NDUFA11: variants seen among roughly 807,000 people sequenced by gnomAD.
NDUFA11 encodes the protein NADH dehydrogenase [ubiquinone] 1 alpha subcomplex subunit 11.
In NDUFA11, 14 loss-of-function variants were observed where a neutral mutation model predicts 11.3. The observed-to-expected ratio is 1.24, with a 90% confidence interval of 0.82 to 1.94. The LOEUF is 1.94. Ranked by LOEUF, NDUFA11 falls within the 30% of genes most tolerant of loss-of-function variation. The probability of loss-of-function intolerance (pLI) is 0.00; values close to 1 mark genes in which losing one functional copy is unlikely to be tolerated. For synonymous variants in NDUFA11, 87 were observed against 85.6 expected (o/e 1.02, Z -0.09); for missense variants, 204 against 200.3 (o/e 1.02, Z -0.11).
chr19:5,896,432 G>A lies in NDUFA11; in HGVS notation c.313+21C>T. 1.4e-6 allele frequency: 2 copies of A among 1,400,446 alleles called. No homozygotes were observed. Among genetic ancestry groups the A allele is most frequent in the Non-Finnish European group, 9.9e-7 (1 of 1,008,922 alleles). The allele number at this position is 1,400,446 out of a possible 1,614,324, so 86.8% of individuals were successfully genotyped here. A position where few individuals can be genotyped will look rare whatever the true frequency, so the allele number is the denominator to read the frequency against. ...TCTGCCAGGCTGGGAGGAGGGTGGGGGTGGGGAGGGGGCCACTCACTGCGT... is the reference window on the plus strand; with the variant it reads ...TCTGCCAGGCTGGGAGGAGGGTGGGAGTGGGGAGGGGGCCACTCACTGCGT... On this transcript the variant is annotated intron_variant, in intron 3 of 3. Transcript: ENST00000308961. This position sits in a 1 kb window ranked among gnomAD's most constrained non-coding sequence, Gnocchi z 5.8.
Position 5,896,328 on chromosome 19 carries a change from T to C in NDUFA11, c.313+125A>G. The stretch of plus-strand genomic sequence containing the variant: ...CAGCTGTCGCTATGACTGAAATGGC[T>C]GGTGTTCAAGAAGGCTGCTTTACTT... On this transcript the variant is annotated intron_variant, in intron 3 of 3. Transcript: ENST00000308961. The surrounding 1 kb of genome is among the most constrained non-coding windows in gnomAD (Gnocchi z 5.8). The C allele has an allele frequency of 8.8e-7, 1 of 1,138,600 alleles. No homozygotes were observed. The allele number at this position is 1,138,600 out of a possible 1,614,324, so 70.5% of individuals were successfully genotyped here. A position where few individuals can be genotyped will look rare whatever the true frequency, so the allele number is the denominator to read the frequency against.
At position 5,896,248 on chromosome 19, in the gene NDUFA11, G is replaced by C. The variant is rs1182644192; in HGVS notation, c.313+205C>G. ...GGAGCAGAGTGAGGAGGGGAGGGTG[G>C]GGAGGGGACAGGGCAGGTCAGGGAG... On this transcript the variant is annotated intron_variant, in intron 3 of 3. Coordinates refer to ENST00000308961, the MANE Select transcript of NDUFA11 (RefSeq NM_175614.5). The surrounding 1 kb of genome is among the most constrained non-coding windows in gnomAD (Gnocchi z 5.8). 1.6e-6 allele frequency: 1 copy of C among 614,480 alleles called. No individual in the cohort carries two copies. The highest frequency in any genetic ancestry group is 2.9e-6 in the Non-Finnish European group (1 of 348,710). The allele number at this position is 614,480 out of a possible 1,614,324, so 38.1% of individuals were successfully genotyped here.
chr19:5,892,648 C>T (rs1228919153), downstream of NDUFA11: 7 of 350,914 alleles, frequency 2.0e-5, no homozygotes, highest in East Asian at 8.8e-5. Context: ...CTGTGGTCAC[C>T]GCGGGGCTGG....
chr19:5,901,571 G>T (rs950426948), intron 1 of NDUFA11: 1 of 777,738 alleles, frequency 1.3e-6, no homozygotes, highest in Non-Finnish European at 1.8e-6. Context: ...CGCAACTTTG[G>T]CCGGGCCCTG....
At chr19:5,897,139 G>A (rs926185694) in intron 1 of NDUFA11, 142 bp from the exon 2 acceptor site, 3 of 736,770 alleles carry the variant, frequency 4.1e-6, no homozygotes, top group Admixed American at 2.0e-5. Context: ...CTGCTGAGTG[G>A]CAGAGCTGGA....
intron 3 of NDUFA11, 140 bp from the exon 4 acceptor site, chr19:5,894,994 G>A: frequency 1.0e-6 from 1 of 960,500 alleles, no homozygotes; most frequent in East Asian, 2.6e-5. Context: ...AGTCACTCAG[G>A]AAGAGGGCCC....
intron 1 of NDUFA11, among the ~76,000 whole-genome samples, chr19:5,903,082 T>C (rs1279319741): frequency 6.7e-6 from 1 of 149,556 alleles, no homozygotes; most frequent in Non-Finnish European, 1.5e-5. Flanking sequence ...GCTACCCTCA[T>C]AGTAGCTCCT....
At chr19:5,898,972 T>G (rs1015710102) in intron 1 of NDUFA11, among the ~76,000 whole-genome samples, 3 of 150,798 alleles carry the variant, frequency 2.0e-5, no homozygotes, top group Non-Finnish European at 4.4e-5. Context: ...GCATCCACGG[T>G]AAGGGACTGG....
At position 5,897,104 on chromosome 19, in the gene NDUFA11, C is replaced by G. The variant is rs1387386628; in HGVS notation, c.98-107G>C. On this transcript the variant is annotated intron_variant, in intron 1 of 3. Coordinates refer to ENST00000308961, the MANE Select transcript of NDUFA11 (RefSeq NM_175614.5). ...CCTCCCTCAGTCCTCACGATGCCCCCCTTCTTTGCCCATAGTGTCCCCGGC... is the reference window on the plus strand; with the variant it reads ...CCTCCCTCAGTCCTCACGATGCCCCGCTTCTTTGCCCATAGTGTCCCCGGC... The G allele has an allele frequency of 9.2e-6, 8 of 869,620 alleles. No homozygotes were observed. In the East Asian group the frequency reaches 1.7e-4, roughly 19 times the overall value. 53.9% of individuals were successfully genotyped at this position (869,620 alleles called of 1,614,324 possible).
rs763782893 is a variant in NDUFA11, at chr19:5,896,666, T to C, written c.191-91A>G. 1 of 1,537,008 alleles carries C rather than the reference T, an allele frequency of 6.5e-7. No individual in the cohort carries two copies. ...CTGCCAGTGTCTGGATGGAGAGAGA[T>C]GCCACGAGTCGGCTGCTCGCTGTGC... On this transcript the variant is annotated intron_variant, in intron 2 of 3. Coordinates refer to ENST00000308961, the MANE Select transcript of NDUFA11 (RefSeq NM_175614.5). This position sits in a 1 kb window ranked among gnomAD's most constrained non-coding sequence, Gnocchi z 5.8.
intron 1 of NDUFA11, among the ~76,000 whole-genome samples, chr19:5,897,541 G>A (rs1336567868): frequency 2.0e-5 from 3 of 151,988 alleles, no homozygotes; most frequent in East Asian, 1.9e-4. Flanking sequence ...GGCTGCCAAC[G>A]CCTCCTCCTT....
intron 3 of NDUFA11, chr19:5,895,983 CCTCT>C (rs1279364407): frequency 1.3e-5 from 3 of 237,832 alleles, no homozygotes; most frequent in Non-Finnish European, 1.6e-5. Flanking sequence ...CATCCATCCT[CCTCT>C]CTGACTCACA....
At chr19:5,899,452 T>C (rs1175263248) in intron 1 of NDUFA11, among the ~76,000 whole-genome samples, 1 of 15,936 alleles carries the variant, frequency 6.3e-5, no homozygotes, top group Non-Finnish European at 1.3e-4. Context: ...GCCCGGACTC[T>C]TTTTTTTTTT....
downstream of NDUFA11, among the ~76,000 whole-genome samples, chr19:5,893,719 CG>C (rs1185223266): frequency 1.3e-5 from 2 of 152,096 alleles, no homozygotes; most frequent in East Asian, 3.9e-4. This position sits in a 1 kb window ranked among gnomAD's most constrained non-coding sequence, Gnocchi z 4.1. Context: ...AGTTACTACT[CG>C]GGGGTGGACA....
chr19:5,898,840 C>G (rs2057626133), intron 1 of NDUFA11, among the ~76,000 whole-genome samples: 1 of 148,504 alleles, frequency 6.7e-6, no homozygotes, highest in Admixed American at 6.7e-5. Flanking sequence ...CGCCACTGCA[C>G]TCCAGCCTGG....
chr19:5,903,479 C>T (rs1340652117), intron 1 of NDUFA11, 133 bp downstream of exon 1: 3 of 852,838 alleles, frequency 3.5e-6, no homozygotes, highest in African/African-American at 1.7e-5. Context: ...CTACGACCGC[C>T]CAAGACACCC....
chr19:5,903,777 C>A lies in NDUFA11; in HGVS notation c.-69G>T. 6.7e-7 allele frequency: 1 copy of A among 1,493,800 alleles called. No individual in the cohort carries two copies. The allele number at this position is 1,493,800 out of a possible 1,614,324, so 92.5% of individuals were successfully genotyped here. On this transcript the variant is annotated 5_prime_UTR_variant, in exon 1 of 4. Transcript: ENST00000308961. ...GAAGCGCAAGGGCAGCCGCGGCTGG[C>A]TATCGCGAGACTTCTCGGGCTGCGC...
chr19:5,896,753 T>C lies in NDUFA11; in HGVS notation c.190+152A>G. On this transcript the variant is annotated intron_variant, in intron 2 of 3. Transcript: ENST00000308961. This position sits in a 1 kb window ranked among gnomAD's most constrained non-coding sequence, Gnocchi z 5.8. ...CCTGGGCCTCCCCACCCTACATGTA[T>C]TCCTGATAAAGGAACACCCCACTTT... 1 of 1,187,464 alleles carries C rather than the reference T, an allele frequency of 8.4e-7. No homozygotes were observed. Among genetic ancestry groups the C allele is most frequent in the Non-Finnish European group, 1.2e-6 (1 of 804,440 alleles). 73.6% of individuals were successfully genotyped at this position (1,187,464 alleles called of 1,614,324 possible).
chr19:5,901,377 T>C (rs1364982283), intron 1 of NDUFA11: 2 of 1,287,036 alleles, frequency 1.6e-6, no homozygotes, highest in Non-Finnish European at 2.0e-6. Context: ...TAGGAGCAGG[T>C]CAGCCGACCT....
Sources: gnomAD v4.1 joint callset for allele counts (sites outside exome capture counted in the v4.1 genomes callset) on GRCh38, gnomAD v4.1.1 for gene constraint, Gnocchi (gnomAD v3.1) non-coding constraint, MANE v1.5 for transcripts, NCBI Gene and HGNC (gene_info 2026-07-23, HGNC 2026-07-21) for gene names.